CLSTN1: variants seen among roughly 807,000 people sequenced by gnomAD.
The protein encoded by CLSTN1 is calsyntenin 1.
In CLSTN1, 28 loss-of-function variants were observed where a neutral mutation model predicts 108.3. The observed-to-expected ratio is 0.26, with a 90% confidence interval of 0.19 to 0.35. The LOEUF is 0.35. Ranked by LOEUF, CLSTN1 falls within the 10% of genes least tolerant of loss-of-function variation. The pLI is 1.00. For missense variants in CLSTN1, 1,157 were observed against 1,302.6 expected (o/e 0.89, Z 1.72); for synonymous variants, 524 against 534.9 (o/e 0.98, Z 0.28).
chr1:9,774,909 G>A (rs759551919), intron 1 of CLSTN1, among the ~76,000 whole-genome samples: 1 of 152,134 alleles, frequency 6.6e-6, no homozygotes, highest in Non-Finnish European at 1.5e-5. Context: ...GAAAGATATG[G>A]GAAATTCCCG....
At chr1:9,774,175 A>C (rs919602808) in intron 1 of CLSTN1, among the ~76,000 whole-genome samples, 2 of 152,344 alleles carry the variant, frequency 1.3e-5, no homozygotes, top group South Asian at 4.1e-4. Context: ...ATTACAAATA[A>C]TAATGTAAAG....
intron 1 of CLSTN1, among the ~76,000 whole-genome samples, chr1:9,773,671 G>A (rs1357094815): frequency 1.3e-5 from 2 of 152,122 alleles, no homozygotes; most frequent in Admixed American, 6.6e-5. Context: ...AAGACTGATG[G>A]CTACGGGAAG....
chr1:9,821,428 C>G (rs1423681446), intron 1 of CLSTN1, among the ~76,000 whole-genome samples: 1 of 152,166 alleles, frequency 6.6e-6, no homozygotes, highest in East Asian at 1.9e-4. Context: ...CCACTGCACC[C>G]AGCTCTACTC....
chr1:9,772,360 T>C lies in CLSTN1; in HGVS notation c.214+912A>G, dbSNP rs1369993346. On this transcript the variant is annotated intron_variant, in intron 2 of 18. Transcript: ENST00000377298. ...TCTTGCTCTGTTGCCCAGGCTGGAG[T>C]GCAGTGGTGCAATCAAGGCTCACTG... is the stretch of plus-strand genomic sequence containing the variant. 2.0e-5 allele frequency among the ~76,000 whole-genome samples: 3 copies of C among 151,896 alleles called. 1 individual carries two copies. Among genetic ancestry groups the C allele is most frequent in the Non-Finnish European group, 4.4e-5 (3 of 67,982 alleles).
At chr1:9,757,153 A>C (rs931764027) in intron 2 of CLSTN1, among the ~76,000 whole-genome samples, 1 of 151,966 alleles carries the variant, frequency 6.6e-6, no homozygotes, top group African/African-American at 2.4e-5. Flanking sequence ...CAGTTTTCAG[A>C]TGTTCATTTC....
intron 1 of CLSTN1, among the ~76,000 whole-genome samples, chr1:9,816,420 G>A (rs1200186777): frequency 6.6e-6 from 1 of 151,956 alleles, no homozygotes; most frequent in Non-Finnish European, 1.5e-5. Flanking sequence ...AAAGTGTTCT[G>A]AAATTAGATA....
chr1:9,772,126 A>G lies in CLSTN1; in HGVS notation c.214+1146T>C, dbSNP rs373355773. ...GGAGTACCTAGGACTACAGGCGCCC[A>G]CCACCACACCCGGCTTTTTTTTTTT... is the stretch of plus-strand genomic sequence containing the variant. On this transcript the variant is annotated intron_variant, in intron 2 of 18. Coordinates refer to ENST00000377298, the MANE Select transcript of CLSTN1 (RefSeq NM_001009566.3). Among the ~76,000 whole-genome samples the G allele has an allele frequency of 1.1e-3, 111 of 105,190 alleles. 1 individual carries two copies. Among genetic ancestry groups the G allele is most frequent in the African/African-American group, 4.0e-3 (107 of 26,882 alleles). The allele number at this position is 105,190 out of a possible 152,430, so 69.0% of individuals were successfully genotyped here.
intron 1 of CLSTN1, among the ~76,000 whole-genome samples, chr1:9,784,996 C>A (rs202133135): frequency 3.7e-5 from 5 of 133,470 alleles, no homozygotes; most frequent in Non-Finnish European, 8.1e-5. Context: ...GTCATAAATT[C>A]TTTTTTTTTT....
chr1:9,779,900 G>A (rs1231386651), intron 1 of CLSTN1, among the ~76,000 whole-genome samples: 1 of 151,820 alleles, frequency 6.6e-6, no homozygotes, highest in Non-Finnish European at 1.5e-5. Flanking sequence ...CCAGGCTGAA[G>A]TGCAATGAAT....
chr1:9,768,204 G>A (rs919757567), intron 2 of CLSTN1, among the ~76,000 whole-genome samples: 18 of 148,706 alleles, frequency 1.2e-4, no homozygotes, highest in African/African-American at 4.5e-4. Flanking sequence ...CACCATGGGG[G>A]CGGGGTTGTC....
chr1:9,822,528 A>G (rs1018249484), intron 1 of CLSTN1, among the ~76,000 whole-genome samples: 6 of 152,282 alleles, frequency 3.9e-5, no homozygotes, highest in Non-Finnish European at 8.8e-5. Context: ...CCTCCTCCCC[A>G]AAATTTCTTT....
chr1:9,798,800 T>TA (rs976682402), intron 1 of CLSTN1, among the ~76,000 whole-genome samples: 4 of 152,024 alleles, frequency 2.6e-5, no homozygotes, highest in African/African-American at 4.8e-5. Context: ...TAATAACAAG[T>TA]AAAAAAGCCA....
intron 2 of CLSTN1, among the ~76,000 whole-genome samples, chr1:9,769,669 A>G (rs78746780): frequency 0.046 from 7,075 of 152,176 alleles, 525 homozygotes; most frequent in African/African-American, 0.16. Context: ...GGTGATGAAA[A>G]TGTTCTGGAG....
At chr1:9,811,326 G>A (rs1386449396) in intron 1 of CLSTN1, among the ~76,000 whole-genome samples, 1 of 152,156 alleles carries the variant, frequency 6.6e-6, no homozygotes, top group East Asian at 1.9e-4. Flanking sequence ...GGCTCTGAAT[G>A]TTTAGAAGAC....
At position 9,751,456 on chromosome 1, in the gene CLSTN1, G is replaced by A. The variant is rs1234206196; in HGVS notation, c.649+17C>T. On this transcript the variant is annotated intron_variant, in intron 5 of 18. Transcript: ENST00000377298. ...GGACTGTCTACCTAGCTGAAAAGCC[G>A]GCTCCTCGATTCTTACCATCTTTGT... is the stretch of plus-strand genomic sequence containing the variant. 10 of 1,613,096 alleles carry A rather than the reference G, an allele frequency of 6.2e-6. No individual in the cohort carries two copies. Among genetic ancestry groups the A allele is most frequent in the East Asian group, 4.5e-5 (2 of 44,858 alleles).
At chr1:9,737,355 A>G in intron 11 of CLSTN1, 143 bp downstream of exon 11, 2 of 752,998 alleles carry the variant, frequency 2.7e-6, no homozygotes, top group Non-Finnish European at 4.7e-6. Flanking sequence ...CCATGAAGCA[A>G]TGGGGAAGCG....
intron 9 of CLSTN1, among the ~76,000 whole-genome samples, chr1:9,743,058 C>T (rs1322752099): frequency 1.3e-5 from 2 of 152,164 alleles, no homozygotes; most frequent in African/African-American, 4.8e-5. Context: ...ACTGCAGGCA[C>T]ATATAACATA....
chr1:9,783,059 C>T (rs957418402), intron 1 of CLSTN1, among the ~76,000 whole-genome samples: 5 of 152,128 alleles, frequency 3.3e-5, no homozygotes, highest in African/African-American at 7.2e-5. Flanking sequence ...TCACAAGTAA[C>T]GGGGATTTCA....
intron 2 of CLSTN1, among the ~76,000 whole-genome samples, chr1:9,769,480 G>C (rs1652558973): frequency 6.6e-6 from 1 of 152,196 alleles, no homozygotes; most frequent in Non-Finnish European, 1.5e-5. Flanking sequence ...ATGAGGGGCT[G>C]CTAGGCACCT....
Sources: gnomAD v4.1 joint callset for allele counts (sites outside exome capture counted in the v4.1 genomes callset) on GRCh38, gnomAD v4.1.1 for gene constraint, MANE v1.5 for transcripts, NCBI Gene and HGNC (gene_info 2026-07-23, HGNC 2026-07-21) for gene names.